ERC1: variants seen among roughly 807,000 people sequenced by gnomAD.
ERC1 encodes the protein RAB6 interacting protein 2.
A neutral mutation model predicts 132.0 loss-of-function variants in ERC1; 56 were observed. The observed-to-expected ratio is 0.42, with a 90% CI of 0.34 to 0.53. The LOEUF is 0.53. Among genes scored for constraint, ERC1 ranks in the 20% least tolerant of loss-of-function variants. The pLI is 0.03. For synonymous variants in ERC1, 478 were observed against 476.1 expected (o/e 1.00, Z -0.05); for missense variants, 1,202 against 1,349.9 (o/e 0.89, Z 1.72).
At chr12:1,208,957 ATTTTTTTTTTTTTT>A (rs538961813) in intron 12 of ERC1, among the ~76,000 whole-genome samples, 19 of 71,634 alleles carry the variant, frequency 2.7e-4, no homozygotes, top group Admixed American at 2.5e-3. Flanking sequence ...CGCCCAGCTG[ATTTTTTTTTTTTTT>A]TTTTTTTTTT....
intron 18 of ERC1, among the ~76,000 whole-genome samples, chr12:1,464,261 C>T (rs2093697992): frequency 6.6e-6 from 1 of 152,058 alleles, no homozygotes; most frequent in African/African-American, 2.4e-5. Context: ...CCTCTGTAGA[C>T]CAAAACATTA....
chr12:1,250,013 A>G (rs1276714242), intron 13 of ERC1, among the ~76,000 whole-genome samples: 4 of 152,188 alleles, frequency 2.6e-5, no homozygotes, highest in Non-Finnish European at 5.9e-5. Context: ...CAACGTTTGA[A>G]TTTTGGGAGC....
In ERC1 at chr12:1,341,069, CTTTTTTTTTTTTTTTTTTT is replaced by C. The variant is rs35902573; in HGVS notation, c.2781-30740_2781-30722del. Among the ~76,000 whole-genome samples, 410 of 63,096 alleles carry C rather than the reference CTTTTTTTTTTTTTTTTTTT, an allele frequency of 6.5e-3. 2 individuals are homozygous for C. The highest frequency in any genetic ancestry group is 0.018 in the South Asian group (28 of 1,536). The allele number at this position is 63,096 out of a possible 152,430, so 41.4% of individuals were successfully genotyped here. A position where few individuals can be genotyped will look rare whatever the true frequency, so the allele number is the denominator to read the frequency against. ...AATGTCCACTTATTCTTTTCTTTTTCTTTTTTTTTTTTTTTTTTTTTTTTTTTTTTTTTTTTTTTTTTGA... is the reference window on the plus strand; with the variant it reads ...AATGTCCACTTATTCTTTTCTTTTTCTTTTTTTTTTTTTTTTTTTTTTTGA... On this transcript the variant is annotated intron_variant, in intron 15 of 18. Transcript: ENST00000360905.
At chr12:1,047,260 TAAG>T (rs1191237195) in intron 2 of ERC1, among the ~76,000 whole-genome samples, 1 of 152,174 alleles carries the variant, frequency 6.6e-6, no homozygotes, top group African/African-American at 2.4e-5. Flanking sequence ...GTGTTGTTCT[TAAG>T]GAGCATAAGG....
At chr12:1,149,473 A>G (rs1360050838) in intron 8 of ERC1, among the ~76,000 whole-genome samples, 1 of 152,172 alleles carries the variant, frequency 6.6e-6, no homozygotes, top group African/African-American at 2.4e-5. Context: ...ATTATGGCTC[A>G]CTGCAACCCT....
chr12:1,038,017 C>A (rs1260923906), intron 2 of ERC1, among the ~76,000 whole-genome samples: 1 of 151,414 alleles, frequency 6.6e-6, no homozygotes, highest in Non-Finnish European at 1.5e-5. Context: ...TGCACTCCAG[C>A]CTGGGCGACA....
At chr12:1,395,520 C>T (rs1391862743) in intron 16 of ERC1, among the ~76,000 whole-genome samples, 2 of 151,368 alleles carry the variant, frequency 1.3e-5, no homozygotes, top group Non-Finnish European at 2.9e-5. Flanking sequence ...AAGTTAAAGT[C>T]TGCACAGCAT....
At chr12:1,301,350 C>G (rs777365237) in intron 15 of ERC1, among the ~76,000 whole-genome samples, 2 of 152,072 alleles carry the variant, frequency 1.3e-5, no homozygotes, top group East Asian at 3.9e-4. Flanking sequence ...TGAAATAAAA[C>G]AAGACACATG....
rs935967573 is a variant in ERC1 at position 1,160,968 on chromosome 12, C to T, written c.1737+19181C>T. On this transcript the variant is annotated intron_variant, in intron 8 of 18. Transcript: ENST00000360905. The stretch of plus-strand genomic sequence containing the variant: ...CCACCACCTACACATATTTTCCTAG[C>T]GTTCTAAGCAATGTATGCACTGGAA... Among the ~76,000 whole-genome samples the T allele has an allele frequency of 5.3e-5, 8 of 152,288 alleles. 1 individual carries two copies. The South Asian group carries it at 8.3e-4, about 16-fold the overall frequency.
chr12:1,424,864 C>CGATAGATAGATA lies in ERC1; in HGVS notation c.3024+16654_3024+16665dup, dbSNP rs57661979. ...ATAGATGATAGATAGATAGATAGATCGATAGATAGATAGATAGATAGATAG... is the reference window on the plus strand; with the variant it reads ...ATAGATGATAGATAGATAGATAGATCGATAGATAGATAGATAGATAGATAGATAGATAGATAG... On this transcript the variant is annotated intron_variant, in intron 17 of 18. Coordinates refer to ENST00000360905, the MANE Select transcript of ERC1 (RefSeq NM_178040.4). Among the ~76,000 whole-genome samples the CGATAGATAGATA allele has an allele frequency of 1.1e-3, 116 of 100,982 alleles. 2 individuals are homozygous for CGATAGATAGATA. The highest frequency in any genetic ancestry group is 1.4e-3 in the South Asian group (4 of 2,878). The allele number at this position is 100,982 out of a possible 152,430, so 66.2% of individuals were successfully genotyped here. A position where few individuals can be genotyped will look rare whatever the true frequency, so the allele number is the denominator to read the frequency against.
intron 8 of ERC1, among the ~76,000 whole-genome samples, 157 bp from the exon 9 acceptor site, chr12:1,180,383 A>G (rs1672525852): frequency 6.6e-6 from 1 of 152,250 alleles, no homozygotes; most frequent in South Asian, 2.1e-4. Flanking sequence ...AAGGTTTTGC[A>G]TGTAATTCTG....
At chr12:1,237,180 G>GAGT (rs1202058864) in intron 13 of ERC1, among the ~76,000 whole-genome samples, 1 of 152,148 alleles carries the variant, frequency 6.6e-6, no homozygotes, top group Non-Finnish European at 1.5e-5. Context: ...ACAGTTTAAT[G>GAGT]AGTGGGTTAT....
At chr12:1,249,215 A>T (rs1163093590) in intron 13 of ERC1, among the ~76,000 whole-genome samples, 1 of 152,196 alleles carries the variant, frequency 6.6e-6, no homozygotes, top group Non-Finnish European at 1.5e-5. Context: ...CTGTCAAAAG[A>T]TGTGTTATAA....
At position 1,352,458 on chromosome 12, in the gene ERC1, G is replaced by A. The variant is rs535210264; in HGVS notation, c.2781-19375G>A. On this transcript the variant is annotated intron_variant, in intron 15 of 18. Coordinates refer to ENST00000360905, the MANE Select transcript of ERC1 (RefSeq NM_178040.4). ...GGAAAATTTAGGTTGGAGCCAAACT[G>A]CAAATGGTTTGAATGTCATCATGTA... Among the ~76,000 whole-genome samples, 8 of 152,294 alleles carry A rather than the reference G, an allele frequency of 5.3e-5. No homozygotes were observed. In the South Asian group the frequency reaches 1.7e-3, roughly 32 times the overall value.
chr12:1,151,297 T>C (rs966686850), intron 8 of ERC1, among the ~76,000 whole-genome samples: 1 of 152,236 alleles, frequency 6.6e-6, no homozygotes, highest in Non-Finnish European at 1.5e-5. Context: ...ATTAAGGTTG[T>C]ATGAATTTAT....
At chr12:1,396,216 T>C (rs2090528224) in intron 16 of ERC1, among the ~76,000 whole-genome samples, 1 of 152,218 alleles carries the variant, frequency 6.6e-6, no homozygotes, top group African/African-American at 2.4e-5. Flanking sequence ...TAAATTCTGA[T>C]TGGTAACTAT....
chr12:1,233,340 GC>G (rs1163496758), intron 12 of ERC1, among the ~76,000 whole-genome samples: 11 of 151,794 alleles, frequency 7.2e-5, no homozygotes, highest in Non-Finnish European at 1.2e-4. Context: ...GTGTGGTGTT[GC>G]ATGCCTGTAA....
At chr12:1,432,430 T>C (rs914729610) in intron 17 of ERC1, among the ~76,000 whole-genome samples, 1 of 152,202 alleles carries the variant, frequency 6.6e-6, no homozygotes, top group African/African-American at 2.4e-5. Flanking sequence ...TCACTAGCCA[T>C]CCACAGGCCT....
At chr12:1,465,901 T>C (rs1421977792) in intron 18 of ERC1, among the ~76,000 whole-genome samples, 2 of 152,136 alleles carry the variant, frequency 1.3e-5, no homozygotes, top group African/African-American at 4.8e-5. Context: ...AGTCGCGGGT[T>C]TTCTCCCAGA....
Sources: gnomAD v4.1 joint callset for allele counts (sites outside exome capture counted in the v4.1 genomes callset) on GRCh38, gnomAD v4.1.1 for gene constraint, MANE v1.5 for transcripts, NCBI Gene and HGNC (gene_info 2026-07-23, HGNC 2026-07-21) for gene names.